Variants in IFT81 observed in about 807,000 individuals in gnomAD.
IFT81 encodes the protein intraflagellar transport 81.
IFT81 carries 72 observed loss-of-function variants against 102.6 expected under a neutral mutation model. The ratio of observed to expected loss-of-function variants is 0.70; its 90% CI spans 0.58 to 0.85. The LOEUF is 0.85. Among genes scored for constraint, IFT81 ranks in the 40% least tolerant of loss-of-function variants. The pLI is 0.00. For synonymous variants in IFT81, 237 were observed against 242.7 expected (o/e 0.98, Z 0.22); for missense variants, 723 against 787.3 (o/e 0.92, Z 0.98).
intron 10 of IFT81, among the ~76,000 whole-genome samples, chr12:110,153,106 C>CCTATGT (rs1220977673): frequency 6.6e-6 from 1 of 152,120 alleles, no homozygotes; most frequent in Middle Eastern, 3.2e-3. Flanking sequence ...AAACATTTGC[C>CCTATGT]CTATGTTTCC....
At chr12:110,215,040 T>C (rs1363415369) in intron 18 of IFT81, among the ~76,000 whole-genome samples, 1 of 152,164 alleles carries the variant, frequency 6.6e-6, no homozygotes, top group East Asian at 1.9e-4. Context: ...TTCTGTGTTG[T>C]TTTCTATTCC....
intron 8 of IFT81, among the ~76,000 whole-genome samples, chr12:110,140,484 C>T (rs1419557717): frequency 2.0e-5 from 3 of 152,104 alleles, no homozygotes; most frequent in African/African-American, 7.2e-5. Context: ...TTTATATTTG[C>T]TAGAATTAGA....
chr12:110,213,015 G>T (rs945817308), intron 18 of IFT81, among the ~76,000 whole-genome samples: 1 of 151,700 alleles, frequency 6.6e-6, no homozygotes, highest in African/African-American at 2.4e-5. Context: ...TAAGCACATC[G>T]CAGACTTATT....
Position 110,132,553 on chromosome 12 carries a change from G to C in IFT81, c.436G>C (p.Glu146Gln), listed in dbSNP as rs769536814. Residue 146 changes from glutamate (E) to glutamine (Q), a missense_variant, in exon 5 of 19, where the codon GAG (glutamate) becomes CAG (glutamine). By Grantham distance (29) the Glu-to-Gln change is conservative (BLOSUM62 2). Transcript: ENST00000242591. ...TCTTAACTTATTCTTCTAGTATGAAGAGTTAATGGAAGCCTTTAAAACTTT... is the reference window on the plus strand; with the variant it reads ...TCTTAACTTATTCTTCTAGTATGAACAGTTAATGGAAGCCTTTAAAACTTT... The part of the protein sequence containing the change: ...TVADTNKQYE[E>Q]LMEAFKTLHK... 7.0e-7 allele frequency: 1 copy of C among 1,427,608 alleles called. No homozygotes were observed. The highest frequency in any genetic ancestry group is 1.2e-5 in the South Asian group (1 of 82,270). 88.4% of individuals were successfully genotyped at this position (1,427,608 alleles called of 1,614,324 possible).
chr12:110,204,840 T>C (rs1193256930), intron 15 of IFT81: 1 of 152,500 alleles, frequency 6.6e-6, no homozygotes, highest in African/African-American at 2.4e-5. Flanking sequence ...TCCTTGTTTA[T>C]GTTGGTTTCT....
chr12:110,202,089 T>A (rs541237585), intron 14 of IFT81, among the ~76,000 whole-genome samples: 35 of 152,356 alleles, frequency 2.3e-4, no homozygotes, highest in Middle Eastern at 3.4e-3. Flanking sequence ...ATTGTATTGC[T>A]ATACTTCTAT....
At chr12:110,152,658 G>C (rs1895607536) in intron 10 of IFT81, among the ~76,000 whole-genome samples, 1 of 151,846 alleles carries the variant, frequency 6.6e-6, no homozygotes, top group African/African-American at 2.4e-5. Flanking sequence ...GCCCAGGCTG[G>C]AGTGTGTCAT....
chr12:110,154,854 C>T (rs1895751024), intron 10 of IFT81, among the ~76,000 whole-genome samples: 1 of 151,704 alleles, frequency 6.6e-6, no homozygotes, highest in African/African-American at 2.4e-5. Context: ...GAGATCTCAG[C>T]CTCTATATGT....
At chr12:110,128,926 T>A in intron 3 of IFT81, 24 bp from the exon 4 acceptor site, 2 of 1,593,810 alleles carry the variant, frequency 1.3e-6, no homozygotes, top group Non-Finnish European at 1.7e-6. Context: ...CGTGTGTGTT[T>A]GTGTATGTGT....
At chr12:110,129,850 TA>T (rs200787762) in intron 4 of IFT81, among the ~76,000 whole-genome samples, 3,533 of 151,584 alleles carry the variant, frequency 0.023, 143 homozygotes, top group African/African-American at 0.08. Context: ...TTTTTTTTTT[TA>T]AAAAGTGCTT....
intron 14 of IFT81, among the ~76,000 whole-genome samples, chr12:110,200,467 G>A (rs929270817): frequency 6.6e-6 from 1 of 152,088 alleles, no homozygotes; most frequent in Admixed American, 6.6e-5. Context: ...GCTTTATAGG[G>A]AACTTACCAT....
At chr12:110,129,272 A>C in intron 4 of IFT81, 142 bp downstream of exon 4, 1 of 586,882 alleles carries the variant, frequency 1.7e-6, no homozygotes, top group South Asian at 2.4e-5. Context: ...CTAATGTTCA[A>C]CTATGGCCAC....
chr12:110,128,879 G>A (rs1894002320), intron 3 of IFT81, 71 bp from the exon 4 acceptor site: 2 of 1,139,380 alleles, frequency 1.8e-6, no homozygotes, highest in Admixed American at 4.7e-5. Context: ...CAGATTTTGA[G>A]AAAATGCTGT....
chr12:110,170,713 G>A (rs550545891), intron 11 of IFT81, among the ~76,000 whole-genome samples: 1 of 152,272 alleles, frequency 6.6e-6, no homozygotes, highest in Non-Finnish European at 1.5e-5. Flanking sequence ...GTCATCCTTG[G>A]TTTATGGTGT....
Position 110,205,426 on chromosome 12 carries a change from A to G in IFT81, c.1645-17A>G. On this transcript the variant is annotated splice_polypyrimidine_tract_variant and intron_variant, in intron 15 of 18. Transcript: ENST00000242591. ...ATTCTTTCGATAATGTCACCTATCTAAAATTATATATTATAGGAAGTTAGA... is the reference window on the plus strand; with the variant it reads ...ATTCTTTCGATAATGTCACCTATCTGAAATTATATATTATAGGAAGTTAGA... The G allele has an allele frequency of 6.4e-7, 1 of 1,573,778 alleles. No individual in the cohort carries two copies. The highest frequency in any genetic ancestry group is 8.6e-7 in the Non-Finnish European group (1 of 1,166,878).
chr12:110,192,790 G>T, intron 14 of IFT81, 84 bp downstream of exon 14: 1 of 717,164 alleles, frequency 1.4e-6, no homozygotes, highest in Non-Finnish European at 2.4e-6. Flanking sequence ...TTAGAACCCT[G>T]GATATTTTAC....
chr12:110,136,964 G>A, intron 8 of IFT81, 104 bp downstream of exon 8: 1 of 645,870 alleles, frequency 1.5e-6, no homozygotes, highest in East Asian at 3.1e-5. Flanking sequence ...ATCAAGTGAT[G>A]TCTCAGCATT....
chr12:110,178,286 C>T (rs1897131290), intron 11 of IFT81, among the ~76,000 whole-genome samples: 1 of 150,410 alleles, frequency 6.6e-6, no homozygotes, highest in African/African-American at 2.4e-5. Context: ...TGGTAGCAGG[C>T]ACCTGTAATC....
At chr12:110,148,771 C>CCA in intron 10 of IFT81, among the ~76,000 whole-genome samples, 1 of 152,086 alleles carries the variant, frequency 6.6e-6, no homozygotes, top group Non-Finnish European at 1.5e-5. Flanking sequence ...CCGTGCCTGG[C>CCA]CCTGGACTAC....
Sources: gnomAD v4.1 joint callset for allele counts (sites outside exome capture counted in the v4.1 genomes callset) on GRCh38, gnomAD v4.1.1 for gene constraint, MANE v1.5 for transcripts, NCBI Gene and HGNC (gene_info 2026-07-23, HGNC 2026-07-21) for gene names.